Variants in COL5A1 observed in about 807,000 individuals in gnomAD.
The protein encoded by COL5A1 is collagen type V alpha 1 chain.
In COL5A1, 16 loss-of-function variants were observed where a neutral mutation model predicts 263.7. The ratio of observed to expected loss-of-function variants is 0.06; its 90% CI spans 0.04 to 0.09. The LOEUF is 0.09. Among genes scored for constraint, COL5A1 ranks in the 10% least tolerant of loss-of-function variants. The pLI, the probability that COL5A1 is intolerant of heterozygous loss-of-function variation, is 1.00. For synonymous variants in COL5A1, 1,012 were observed against 1,004.5 expected (o/e 1.01, Z -0.14); for missense variants, 2,036 against 2,540.5 (o/e 0.80, Z 4.27).
intron 65 of COL5A1, among the ~76,000 whole-genome samples, chr9:134,836,546 C>T (rs1839861566): frequency 6.6e-6 from 1 of 152,192 alleles, no homozygotes; most frequent in African/African-American, 2.4e-5. Context: ...CTGCAGGGTG[C>T]CCTCTTCTGA....
At chr9:134,711,988 C>T (rs557408308) in intron 4 of COL5A1, among the ~76,000 whole-genome samples, 16 of 136,732 alleles carry the variant, frequency 1.2e-4, no homozygotes, top group African/African-American at 3.8e-4. Context: ...CCTTCCTGTC[C>T]CCACTCCTTC....
At chr9:134,752,445 A>G (rs1272910301) in intron 13 of COL5A1, 144 bp from the exon 14 acceptor site, 5 of 640,274 alleles carry the variant, frequency 7.8e-6, no homozygotes, top group Non-Finnish European at 1.4e-5. Flanking sequence ...TTGGGGAGTC[A>G]TCAGACCTCC....
chr9:134,653,842 G>A (rs1200933665), intron 1 of COL5A1, among the ~76,000 whole-genome samples: 1 of 151,304 alleles, frequency 6.6e-6, no homozygotes, highest in Non-Finnish European at 1.5e-5. Flanking sequence ...CCGGGTGTCT[G>A]TAGGGCTGGG....
In COL5A1 at chr9:134,728,752, C is replaced by T; in HGVS notation, c.869C>T (p.Pro290Leu). Residue 290 changes from proline (P) to leucine (L), a missense_variant, in exon 6 of 66, where the codon CCC (proline) becomes CTC (leucine). Coordinates refer to ENST00000371817, the MANE Select transcript of COL5A1 (RefSeq NM_000093.5). ...YEDPEDLGKE[P>L]TPSKKPVEAA... ...GACCCCGAAGACCTAGGGAAGGAGC[C>T]CACCCCCAGCAAGAAGCCCGTGGAA... The T allele has an allele frequency of 5.0e-6, 8 of 1,614,172 alleles. No homozygotes were observed. The highest frequency in any genetic ancestry group is 6.8e-6 in the Non-Finnish European group (8 of 1,180,040).
intron 65 of COL5A1, among the ~76,000 whole-genome samples, chr9:134,835,515 C>T (rs1449868629): frequency 6.6e-6 from 1 of 152,202 alleles, no homozygotes; most frequent in Non-Finnish European, 1.5e-5. Flanking sequence ...ATGGAGGACC[C>T]GTTGTGGTTC....
intron 48 of COL5A1, among the ~76,000 whole-genome samples, chr9:134,813,688 C>T (rs932360368): frequency 6.6e-6 from 1 of 152,258 alleles, no homozygotes; most frequent in Non-Finnish European, 1.5e-5. Context: ...TAGCCACTTA[C>T]CAGCTTCTCA....
intron 24 of COL5A1, among the ~76,000 whole-genome samples, chr9:134,767,799 A>G (rs540503332): frequency 6.6e-6 from 1 of 152,328 alleles, no homozygotes; most frequent in South Asian, 2.1e-4. Flanking sequence ...TTGCCCTTCT[A>G]GAGCTTGTCG....
At chr9:134,800,038 G>A (rs1838050955) in intron 37 of COL5A1, among the ~76,000 whole-genome samples, 1 of 152,134 alleles carries the variant, frequency 6.6e-6, no homozygotes, top group Non-Finnish European at 1.5e-5. Context: ...TCCTCCATGG[G>A]CTAGTCCAGA....
intron 64 of COL5A1, chr9:134,830,477 A>C: frequency 2.0e-6 from 1 of 501,994 alleles, no homozygotes. Context: ...GTGCAGCCCC[A>C]GGCACCTGAG....
chr9:134,784,682 C>T (rs1837384796), intron 29 of COL5A1, among the ~76,000 whole-genome samples: 2 of 152,366 alleles, frequency 1.3e-5, no homozygotes, highest in African/African-American at 4.8e-5. Flanking sequence ...AGCTAAGAGG[C>T]ACTCAATTTA....
At chr9:134,839,159 T>C (rs1324414710) in intron 65 of COL5A1, among the ~76,000 whole-genome samples, 1 of 152,174 alleles carries the variant, frequency 6.6e-6, no homozygotes, top group Non-Finnish European at 1.5e-5. Context: ...CTGGGGCGCC[T>C]GATTGACGGG....
rs926040515 is a variant in COL5A1 at position 134,792,645 on chromosome 9, G to C, written c.2701-2437G>C. Reference sequence around the variant, plus strand: ...CTCCCAAAGTGCTGGGATTACAGGCGTGAACCACCATGCCCGGCCCAGAGA... The same window carrying C: ...CTCCCAAAGTGCTGGGATTACAGGCCTGAACCACCATGCCCGGCCCAGAGA... On this transcript the variant is annotated intron_variant, in intron 32 of 65. Coordinates refer to ENST00000371817, the MANE Select transcript of COL5A1 (RefSeq NM_000093.5). 2.6e-5 allele frequency among the ~76,000 whole-genome samples: 4 copies of C among 152,170 alleles called. No homozygotes were observed. In the South Asian group the frequency reaches 6.2e-4, roughly 24 times the overall value.
chr9:134,700,868 G>A lies in COL5A1; in HGVS notation c.492-303G>A, dbSNP rs1359078977. 6.6e-6 allele frequency among the ~76,000 whole-genome samples: 1 copy of A among 152,126 alleles called. No individual in the cohort carries two copies. The highest frequency in any genetic ancestry group is 2.4e-5 in the African/African-American group (1 of 41,426). ...CCCAGGGACCACACTCCTGGGTCCC[G>A]AGCCAGTGCCGAGTGCTGTGTGCTC... On this transcript the variant is annotated intron_variant, in intron 3 of 65. Transcript: ENST00000371817. This position sits in a 1 kb window ranked among gnomAD's most constrained non-coding sequence, Gnocchi z 4.0.
rs572632058 is a variant in COL5A1 at position 134,778,101 on chromosome 9, C to T, written c.2386-2001C>T. 1.3e-3 allele frequency among the ~76,000 whole-genome samples: 199 copies of T among 152,344 alleles called. 1 individual carries two copies. Among genetic ancestry groups the T allele is most frequent in the African/African-American group, 4.6e-3 (193 of 41,576 alleles). On this transcript the variant is annotated intron_variant, in intron 27 of 65. Coordinates refer to ENST00000371817, the MANE Select transcript of COL5A1 (RefSeq NM_000093.5). ...GGCTGTTGTCTCTGAGGCGATGCCA[C>T]GCCGTGGTGAGACGGCAGGTGGTTT...
chr9:134,701,032 C>G (rs1833654417), intron 3 of COL5A1, 139 bp from the exon 4 acceptor site: 2 of 833,846 alleles, frequency 2.4e-6, no homozygotes, highest in South Asian at 2.9e-5. Context: ...ATTCCAGAGG[C>G]TGGGCCTTGA....
At chr9:134,823,090 G>A (rs1178640995) in intron 60 of COL5A1, 57 bp downstream of exon 60, 4 of 1,587,074 alleles carry the variant, frequency 2.5e-6, no homozygotes, top group Middle Eastern at 1.7e-4. Flanking sequence ...AGGGCGACGG[G>A]TCCCCTGGCA....
At chr9:134,809,627 C>G (rs1341797047) in intron 43 of COL5A1, among the ~76,000 whole-genome samples, 1 of 152,232 alleles carries the variant, frequency 6.6e-6, no homozygotes, top group Non-Finnish European at 1.5e-5. Context: ...AACTGCGGAG[C>G]CCGGTTTAAT....
chr9:134,824,488 C>A, intron 61 of COL5A1, 112 bp from the exon 62 acceptor site: 1 of 1,396,752 alleles, frequency 7.2e-7, no homozygotes. Flanking sequence ...GCCCAGGTTG[C>A]CAGGCCCCAG....
At chr9:134,816,463 C>T (rs1033996538) in intron 52 of COL5A1, among the ~76,000 whole-genome samples, 1 of 152,248 alleles carries the variant, frequency 6.6e-6, no homozygotes, top group Non-Finnish European at 1.5e-5. Flanking sequence ...GGGCCCTGGG[C>T]AGGACTGGGC....
Sources: gnomAD v4.1 joint callset for allele counts (sites outside exome capture counted in the v4.1 genomes callset) on GRCh38, gnomAD v4.1.1 for gene constraint, Gnocchi (gnomAD v3.1) non-coding constraint, MANE v1.5 for transcripts, NCBI Gene and HGNC (gene_info 2026-07-23, HGNC 2026-07-21) for gene names.